Variants in NEAT1 observed in about 807,000 individuals in gnomAD.
NEAT1 encodes nuclear paraspeckle assembly transcript 1, also known as MENepsilon/beta.
exon 1 of NEAT1, chr11:65,426,275 C>T (rs1856560572): frequency 6.6e-6 from 1 of 152,038 alleles, no homozygotes; most frequent in Non-Finnish European, 1.5e-5. Context: ...CATGGTAGTT[C>T]AGTTCTTAAC....
chr11:65,434,555 C>T (rs1460944153), exon 1 of NEAT1: 1 of 152,088 alleles, frequency 6.6e-6, no homozygotes, highest in Admixed American at 6.5e-5. Flanking sequence ...GTGAGTTTAG[C>T]CATTCTGCTG....
exon 1 of NEAT1, chr11:65,425,367 C>T (rs569803501): frequency 2.6e-5 from 4 of 152,218 alleles, no homozygotes; most frequent in African/African-American, 9.6e-5. Context: ...CCAGCTTCCT[C>T]CTGGTGGCCA....
chr11:65,441,141 T>C (rs896046034), exon 1 of NEAT1: 7 of 152,154 alleles, frequency 4.6e-5, no homozygotes, highest in African/African-American at 9.7e-5. Context: ...TGTGTGAAAC[T>C]GAAATGAATA....
At chr11:65,431,075 C>A (rs1030289119) in exon 1 of NEAT1, 2 of 152,148 alleles carry the variant, frequency 1.3e-5, no homozygotes, top group African/African-American at 2.4e-5. Context: ...CAACCCCATT[C>A]TACTTTCTGT....
exon 1 of NEAT1, chr11:65,433,167 T>G (rs924881639): frequency 1.4e-4 from 22 of 152,344 alleles, no homozygotes; most frequent in African/African-American, 5.3e-4. Flanking sequence ...AGTGTCTTTC[T>G]GGTATAATGA....
exon 1 of NEAT1, chr11:65,430,334 G>A (rs1856603317): frequency 6.6e-6 from 1 of 152,320 alleles, no homozygotes; most frequent in African/African-American, 2.4e-5. Context: ...CATGTAACGG[G>A]AATCAGCATG....
exon 1 of NEAT1, chr11:65,424,356 A>G (rs1054519394): frequency 1.1e-4 from 16 of 152,316 alleles, no homozygotes; most frequent in East Asian, 1.9e-4. Context: ...GCCTCCGGTC[A>G]TACTAGTTTT....
chr11:65,434,606 A>G (rs1413676073), exon 1 of NEAT1: 4 of 152,072 alleles, frequency 2.6e-5, no homozygotes, highest in Non-Finnish European at 4.4e-5. Flanking sequence ...TGATATTACA[A>G]ACAGTTCTGT....
At chr11:65,441,570 A>G (rs1322389206) in exon 1 of NEAT1, 1 of 152,060 alleles carries the variant, frequency 6.6e-6, no homozygotes, top group Admixed American at 6.6e-5. Context: ...CCTTTTTTAT[A>G]TGTATTAGTG....
exon 1 of NEAT1, chr11:65,442,605 G>A (rs371873574): frequency 4.6e-5 from 7 of 151,996 alleles, no homozygotes; most frequent in African/African-American, 1.5e-4. Context: ...TTTATCAGAC[G>A]AGTATGGTGG....
At chr11:65,436,727 C>T (rs1414610448) in exon 1 of NEAT1, 4 of 152,114 alleles carry the variant, frequency 2.6e-5, no homozygotes, top group Admixed American at 6.5e-5. Flanking sequence ...GTGTGGTAGC[C>T]GTGTTTGAAT....
At chr11:65,424,986 G>A (rs563032755) in exon 1 of NEAT1, 1 of 152,194 alleles carries the variant, frequency 6.6e-6, no homozygotes, top group South Asian at 2.1e-4. Flanking sequence ...GGTGAAGAAG[G>A]GGAGAGGGTT....
At chr11:65,443,940 C>T (rs965390151) in exon 1 of NEAT1, 1 of 159,524 alleles carries the variant, frequency 6.3e-6, no homozygotes, top group Non-Finnish European at 1.4e-5. Flanking sequence ...ATTCTTTGCT[C>T]ATCTTACAGA....
chr11:65,441,706 T>C (rs1180273981), exon 1 of NEAT1: 1 of 152,246 alleles, frequency 6.6e-6, no homozygotes, highest in African/African-American at 2.4e-5. Context: ...AAAGCAGCTT[T>C]AGATAAAGTA....
chr11:65,437,134 C>T (rs1389320310), exon 1 of NEAT1: 2 of 148,912 alleles, frequency 1.3e-5, no homozygotes, highest in Non-Finnish European at 3.0e-5. Context: ...AAATACATTC[C>T]TATTTCTCAC....
exon 1 of NEAT1, chr11:65,426,560 G>A (rs754011657): frequency 2.0e-5 from 3 of 152,004 alleles, no homozygotes; most frequent in Non-Finnish European, 2.9e-5. Context: ...TACATTTCTC[G>A]ACCCCTATCA....
chr11:65,444,743 C>T, exon 1 of NEAT1: 1 of 315,348 alleles, frequency 3.2e-6, no homozygotes, highest in Non-Finnish European at 6.3e-6. Flanking sequence ...GTGACTTGGA[C>T]TCCAGGTTAG....
At chr11:65,436,908 TATG>T (rs1856662684) in exon 1 of NEAT1, 1 of 152,092 alleles carries the variant, frequency 6.6e-6, no homozygotes, top group Admixed American at 6.6e-5. Context: ...AATTTCTAAA[TATG>T]ATGGACACCC....
Position 65,431,671 on chromosome 11 carries a change from G to T in NEAT1, n.8874G>T, listed in dbSNP as rs1300379772. 3 of 152,112 alleles carry T rather than the reference G, an allele frequency of 2.0e-5. No homozygotes were observed. The East Asian group carries it at 5.8e-4, about 29-fold the overall frequency. 9.4% of individuals were successfully genotyped at this position (152,112 alleles called of 1,614,324 possible). ...TTTCCCTAATGAGGAGTGATGCTGA[G>T]CATCTTTTCATATGCTTACTGGTCA... On this transcript the variant is annotated non_coding_transcript_exon_variant, in exon 1 of 1. Coordinates refer to ENST00000501122, the Ensembl canonical transcript of NEAT1.
Sources: gnomAD v4.1 joint callset for allele counts on GRCh38, gnomAD v4.1.1 for gene constraint, MANE v1.5 for transcripts, NCBI Gene and HGNC (gene_info 2026-07-23, HGNC 2026-07-21) for gene names.